BTBD9: variants seen among roughly 807,000 people sequenced by gnomAD.
BTBD9 encodes the protein BTB/POZ domain-containing protein 9.
Under a neutral mutation model 64.3 loss-of-function variants are expected in BTBD9, and 49 were observed. The ratio of observed to expected loss-of-function variants is 0.76; its 90% CI spans 0.61 to 0.97. The LOEUF is 0.97. Ranked by LOEUF, BTBD9 falls within the 50% of genes least tolerant of loss-of-function variation. The pLI, the probability that BTBD9 is intolerant of heterozygous loss-of-function variation, is 0.00. For synonymous variants in BTBD9, 260 were observed against 274.7 expected, an observed-to-expected ratio of 0.95 and a Z score of 0.53; for missense variants, 598 against 762.1, an observed-to-expected ratio of 0.78 and a Z score of 2.53.
In BTBD9 at chr6:38,332,275, T is replaced by C. The variant is rs1397925311; in HGVS notation, c.1264+12709A>G. ...TAAGATAAATACGTATTAATACAGT[T>C]TCCTACAGCTCTTTTGGAGTCACAT... is the stretch of plus-strand genomic sequence containing the variant. On this transcript the variant is annotated intron_variant, in intron 7 of 10. Transcript: ENST00000481247. Among the ~76,000 whole-genome samples the C allele has an allele frequency of 2.6e-5, 4 of 152,240 alleles. No individual in the cohort carries two copies. The South Asian group carries it at 6.2e-4, about 24-fold the overall frequency.
At chr6:38,538,844 T>C (rs1349963960) in intron 6 of BTBD9, among the ~76,000 whole-genome samples, 1 of 151,560 alleles carries the variant, frequency 6.6e-6, no homozygotes, top group Non-Finnish European at 1.5e-5. Context: ...AGTGCAGTGG[T>C]GCAATCTCAG....
intron 6 of BTBD9, among the ~76,000 whole-genome samples, chr6:38,361,226 T>C (rs2127598007): frequency 6.6e-6 from 1 of 152,262 alleles, no homozygotes; most frequent in Admixed American, 6.5e-5. Context: ...TCATAATAAA[T>C]ACCCATAGTC....
chr6:38,410,671 G>A (rs886820974), intron 6 of BTBD9, among the ~76,000 whole-genome samples: 1 of 152,052 alleles, frequency 6.6e-6, no homozygotes, highest in African/African-American at 2.4e-5. Context: ...AACATCTTCA[G>A]TGAGGAAGTT....
chr6:38,269,516 G>A (rs1561951468), intron 8 of BTBD9, among the ~76,000 whole-genome samples: 1 of 152,034 alleles, frequency 6.6e-6, no homozygotes, highest in Admixed American at 6.5e-5. Context: ...CATTAATAAC[G>A]CTGGCTTTCC....
chr6:38,355,343 T>C (rs1401034688), intron 6 of BTBD9, among the ~76,000 whole-genome samples: 1 of 152,150 alleles, frequency 6.6e-6, no homozygotes, highest in Non-Finnish European at 1.5e-5. Context: ...TGAAGTTCAA[T>C]TTTGAAGCCT....
chr6:38,488,579 G>A (rs1327867047), intron 6 of BTBD9, among the ~76,000 whole-genome samples: 1 of 152,110 alleles, frequency 6.6e-6, no homozygotes, highest in Non-Finnish European at 1.5e-5. Context: ...GTGCCATGAG[G>A]CCTTTACCTT....
chr6:38,468,275 T>C (rs906945047), intron 6 of BTBD9, among the ~76,000 whole-genome samples: 3 of 152,212 alleles, frequency 2.0e-5, no homozygotes, highest in Non-Finnish European at 4.4e-5. Flanking sequence ...CCTTGTTGCA[T>C]GGCATATTCA....
chr6:38,247,828 T>C (rs16890511), intron 9 of BTBD9, among the ~76,000 whole-genome samples: 5,133 of 152,308 alleles, frequency 0.034, 159 homozygotes, highest in Admixed American at 0.1. Flanking sequence ...CTTAATTTTG[T>C]TGATTTACTG....
chr6:38,616,708 C>T (rs1004750914), intron 1 of BTBD9, among the ~76,000 whole-genome samples: 24 of 152,078 alleles, frequency 1.6e-4, no homozygotes, highest in African/African-American at 4.8e-4. Flanking sequence ...AGGACAGAAA[C>T]GAAACATGGG....
At chr6:38,627,587 T>C (rs1478223013) in intron 1 of BTBD9, among the ~76,000 whole-genome samples, 1 of 152,112 alleles carries the variant, frequency 6.6e-6, no homozygotes, top group African/African-American at 2.4e-5. Context: ...ACAGCACCGG[T>C]GTTGGCAATG....
At chr6:38,606,243 A>T (rs1777428402) in intron 1 of BTBD9, among the ~76,000 whole-genome samples, 1 of 152,032 alleles carries the variant, frequency 6.6e-6, no homozygotes, top group Non-Finnish European at 1.5e-5. Context: ...CTATTGTGGG[A>T]CTTCACCTTG....
At chr6:38,464,072 G>A (rs1246615801) in intron 6 of BTBD9, among the ~76,000 whole-genome samples, 1 of 152,004 alleles carries the variant, frequency 6.6e-6, no homozygotes, top group Admixed American at 6.6e-5. Flanking sequence ...GTTAGGGTAG[G>A]CTCTAATCTG....
At chr6:38,516,370 C>T (rs1773026100) in intron 6 of BTBD9, among the ~76,000 whole-genome samples, 1 of 152,108 alleles carries the variant, frequency 6.6e-6, no homozygotes, top group Non-Finnish European at 1.5e-5. Context: ...GACTTTATGT[C>T]CCTAGGTTAA....
chr6:38,318,541 G>A (rs1279300473), intron 7 of BTBD9, among the ~76,000 whole-genome samples: 1 of 152,202 alleles, frequency 6.6e-6, no homozygotes, highest in Non-Finnish European at 1.5e-5. Context: ...TGCCTTGGTG[G>A]TTGTGGATAA....
intron 9 of BTBD9, among the ~76,000 whole-genome samples, chr6:38,222,253 AG>A (rs1763222665): frequency 1.8e-5 from 1 of 55,948 alleles, no homozygotes; most frequent in African/African-American, 6.8e-5. Flanking sequence ...TAATTCATTC[AG>A]TTGTTTTTTT....
At chr6:38,535,462 A>G (rs1484554958) in intron 6 of BTBD9, among the ~76,000 whole-genome samples, 1 of 152,142 alleles carries the variant, frequency 6.6e-6, no homozygotes, top group Non-Finnish European at 1.5e-5. Flanking sequence ...TGCAATCATA[A>G]TCAAAATACC....
intron 8 of BTBD9, among the ~76,000 whole-genome samples, chr6:38,269,586 A>C (rs2127543144): frequency 6.6e-6 from 1 of 151,720 alleles, no homozygotes; most frequent in Non-Finnish European, 1.5e-5. Context: ...CAAAGGCTAA[A>C]TGGGCAGTTG....
chr6:38,374,292 T>TATATACATATATATATAC (rs1217899727), intron 6 of BTBD9, among the ~76,000 whole-genome samples: 2 of 77,496 alleles, frequency 2.6e-5, no homozygotes, highest in East Asian at 1.0e-3. Context: ...AGTATATATA[T>TATATACATATATATATAC]ATATGTATAT....
At chr6:38,220,818 T>C (rs1447633583) in intron 9 of BTBD9, among the ~76,000 whole-genome samples, 3 of 152,252 alleles carry the variant, frequency 2.0e-5, no homozygotes, top group Non-Finnish European at 4.4e-5. Context: ...CTTGAGATTC[T>C]TGGGACACTA....
Sources: allele counts gnomAD v4.1 joint callset (sites outside exome capture counted in the v4.1 genomes callset), GRCh38; gene constraint gnomAD v4.1.1; transcripts MANE v1.5; gene names NCBI Gene and HGNC (gene_info 2026-07-23, HGNC 2026-07-21).